SLC19A3: variants seen among roughly 807,000 people sequenced by gnomAD.
SLC19A3 encodes solute carrier family 19 member 3.
Under a neutral mutation model 40.2 loss-of-function variants are expected in SLC19A3, and 31 were observed. That is an observed-to-expected ratio of 0.77 (90% CI 0.58 to 1.04). The LOEUF (loss-of-function observed/expected upper bound fraction) is 1.04, where lower values mean the gene tolerates loss of function less well. Among genes scored for constraint, SLC19A3 ranks in the 50% least tolerant of loss-of-function variants. The pLI is 0.00. For synonymous variants in SLC19A3, 212 were observed against 227.5 expected, an observed-to-expected ratio of 0.93 and a Z score of 0.61; for missense variants, 592 against 596.7, an observed-to-expected ratio of 0.99 and a Z score of 0.08.
intron 1 of SLC19A3, among the ~76,000 whole-genome samples, chr2:227,717,712 G>C (rs1283781263): frequency 6.6e-6 from 1 of 152,112 alleles, no homozygotes; most frequent in Non-Finnish European, 1.5e-5. Context: ...TTTAATCTGC[G>C]CTTCCAGAAG....
rs759052209 is a variant in SLC19A3 at position 227,688,194 on chromosome 2, C to G, written c.1286G>C (p.Arg429Thr). 6.2e-7 allele frequency: 1 copy of G among 1,614,088 alleles called. No homozygotes were observed. The highest frequency in any genetic ancestry group is 1.1e-5 in the South Asian group (1 of 91,074). ...AATGCTGACTGGCAAGTTGAGCCCT[C>G]TCTGATCTACTACAATCACAGTCAT... is the stretch of plus-strand genomic sequence containing the variant. ...TIMTVIVVDQ[R>T]GLNLPVSIQF... Residue 429 changes from arginine (R) to threonine (T), a missense_variant, in exon 5 of 6, where the codon AGA (arginine) becomes ACA (threonine). Arg to Thr is a moderately conservative substitution (Grantham distance 71). Coordinates refer to ENST00000644224, the MANE Select transcript of SLC19A3 (RefSeq NM_025243.4).
At chr2:227,707,111 C>G (rs985683912) in intron 1 of SLC19A3, among the ~76,000 whole-genome samples, 4 of 152,212 alleles carry the variant, frequency 2.6e-5, no homozygotes, top group Non-Finnish European at 5.9e-5. Flanking sequence ...TCCCCTGACC[C>G]TGTTGCAGCA....
rs557089858 is a variant in SLC19A3 at position 227,703,233 on chromosome 2, T to C, written c.-2-913A>G. 1.4e-4 allele frequency among the ~76,000 whole-genome samples: 21 copies of C among 152,326 alleles called. No homozygotes were observed. The highest frequency in any genetic ancestry group is 4.3e-4 in the African/African-American group (18 of 41,576). ...ACATATATAGAGCTTTTAGGGTCAA[T>C]TGCAGTTTGAAAGCAGACGAGAGAG... On this transcript the variant is annotated intron_variant, in intron 1 of 5. Transcript: ENST00000644224. The surrounding 1 kb of genome is among the most constrained non-coding windows in gnomAD (Gnocchi z 4.7).
intron 1 of SLC19A3, among the ~76,000 whole-genome samples, chr2:227,707,744 T>C (rs13013696): frequency 0.58 from 88,331 of 152,002 alleles, 29,185 homozygotes; most frequent in Non-Finnish European, 0.75. Flanking sequence ...TCTATTTTTT[T>C]TGAGACAGAG....
chr2:227,686,207 A>G lies in SLC19A3; in HGVS notation c.*1190T>C, dbSNP rs922131599. 4.7e-6 allele frequency: 2 copies of G among 421,400 alleles called. No individual in the cohort carries two copies. Among genetic ancestry groups the G allele is most frequent in the Admixed American group, 5.2e-5 (2 of 38,340 alleles). 26.1% of individuals were successfully genotyped at this position (421,400 alleles called of 1,614,324 possible). A position where few individuals can be genotyped will look rare whatever the true frequency, so the allele number is the denominator to read the frequency against. On this transcript the variant is annotated 3_prime_UTR_variant, in exon 6 of 6. Coordinates refer to ENST00000644224, the MANE Select transcript of SLC19A3 (RefSeq NM_025243.4). ...GCGAGACTGTCTCAAAAACCAAAAC[A>G]AAACAAAATCAGGTGTTTTATTCCA...
rs72239408 is a variant in SLC19A3, at chr2:227,685,003, A to AAAAG, written c.*2393_*2394insCTTT. The AAAAG allele has an allele frequency of 5.3e-5, 8 of 149,768 alleles. No individual in the cohort carries two copies. Among genetic ancestry groups the AAAAG allele is most frequent in the South Asian group, 2.1e-4 (1 of 4,784 alleles). 9.3% of individuals were successfully genotyped at this position (149,768 alleles called of 1,614,324 possible). On this transcript the variant is annotated 3_prime_UTR_variant, in exon 6 of 6. Coordinates refer to ENST00000644224, the MANE Select transcript of SLC19A3 (RefSeq NM_025243.4). ...ATCAAAAAAAAAAAAAAAAAAAAAAAAAGAAGAAGAAGAAAAAGAATAGCG... is the reference window on the plus strand; with the variant it reads ...ATCAAAAAAAAAAAAAAAAAAAAAAAAAAGAAGAAGAAGAAGAAAAAGAATAGCG...
intron 4 of SLC19A3, among the ~76,000 whole-genome samples, chr2:227,690,706 C>CAAAAAAAAAAAAAAAA (rs34163746): frequency 3.3e-4 from 13 of 39,166 alleles, no homozygotes; most frequent in African/African-American, 1.1e-3. Flanking sequence ...GACTCCATCT[C>CAAAAAAAAAAAAAAAA]AAAAAAAAAA....
intron 1 of SLC19A3, chr2:227,706,494 G>C: frequency 6.6e-6 from 8 of 1,219,422 alleles, no homozygotes; most frequent in Non-Finnish European, 8.2e-6. Flanking sequence ...TAAAAGGCTG[G>C]GTGTAGTGGC....
intron 2 of SLC19A3, among the ~76,000 whole-genome samples, chr2:227,699,895 TG>T (rs1695611567): frequency 6.6e-6 from 1 of 152,142 alleles, no homozygotes; most frequent in Non-Finnish European, 1.5e-5. Flanking sequence ...TCTTTTTTTT[TG>T]AGGTGGAGTC....
chr2:227,713,933 A>G (rs746777586), intron 1 of SLC19A3, among the ~76,000 whole-genome samples: 1 of 152,102 alleles, frequency 6.6e-6, no homozygotes, highest in Non-Finnish European at 1.5e-5. Context: ...AAAACAACCG[A>G]AACTACTTCA....
intron 3 of SLC19A3, among the ~76,000 whole-genome samples, 167 bp downstream of exon 3, chr2:227,698,569 G>T (rs1377238684): frequency 1.3e-5 from 2 of 152,186 alleles, no homozygotes; most frequent in Non-Finnish European, 2.9e-5. Context: ...AAAGTGCTGG[G>T]ATTACAGGCA....
In SLC19A3 at chr2:227,688,156, T is replaced by C. The variant is rs1695090078; in HGVS notation, c.1314+10A>G. ...GTTACCTAGTTGAAAACAGAAGTAT[T>C]GCAGCTTACCTGAATGCTGACTGGC... On this transcript the variant is annotated intron_variant, in intron 5 of 5. Coordinates refer to ENST00000644224, the MANE Select transcript of SLC19A3 (RefSeq NM_025243.4). 6.2e-7 allele frequency: 1 copy of C among 1,613,908 alleles called. No homozygotes were observed.
At chr2:227,693,693 G>A (rs369866802) in intron 4 of SLC19A3, among the ~76,000 whole-genome samples, 1 of 152,048 alleles carries the variant, frequency 6.6e-6, no homozygotes, top group African/African-American at 2.4e-5. Flanking sequence ...AAGATTTCTT[G>A]AGTACCCCAC....
intron 4 of SLC19A3, among the ~76,000 whole-genome samples, chr2:227,692,770 C>A (rs1055967308): frequency 2.0e-5 from 3 of 152,134 alleles, no homozygotes; most frequent in African/African-American, 7.2e-5. Flanking sequence ...ATTATCCTTG[C>A]TTGCAGACGA....
chr2:227,715,252 C>G (rs4973231), intron 1 of SLC19A3, among the ~76,000 whole-genome samples: 1,836 of 111,130 alleles, frequency 0.017, 42 homozygotes, highest in African/African-American at 0.047. Flanking sequence ...AACCCCACAC[C>G]CCCCCCAAAA....
chr2:227,700,396 T>C (rs1382051730), intron 2 of SLC19A3, among the ~76,000 whole-genome samples: 1 of 150,906 alleles, frequency 6.6e-6, no homozygotes, highest in African/African-American at 2.4e-5. Context: ...AAATTAGCCA[T>C]GAATGGTGGC....
chr2:227,700,984 G>C (rs1456796767), intron 2 of SLC19A3: 30 of 1,304,176 alleles, frequency 2.3e-5, no homozygotes, highest in Non-Finnish European at 2.9e-5. Context: ...CAACTGAGCT[G>C]CTCCTTGGAG....
chr2:227,716,494 C>A (rs188506472), intron 1 of SLC19A3, among the ~76,000 whole-genome samples: 1 of 152,128 alleles, frequency 6.6e-6, no homozygotes, highest in Admixed American at 6.6e-5. Context: ...TCCAGACCCA[C>A]CAAAAGGAAC....
At chr2:227,690,832 TAAAA>T (rs1695199523) in intron 4 of SLC19A3, among the ~76,000 whole-genome samples, 1 of 151,768 alleles carries the variant, frequency 6.6e-6, no homozygotes, top group Non-Finnish European at 1.5e-5. Context: ...TTGGAGACTT[TAAAA>T]CCCCACTTTC....
Sources: gnomAD v4.1 joint callset for allele counts (sites outside exome capture counted in the v4.1 genomes callset) on GRCh38, gnomAD v4.1.1 for gene constraint, Gnocchi (gnomAD v3.1) non-coding constraint, MANE v1.5 for transcripts, NCBI Gene and HGNC (gene_info 2026-07-23, HGNC 2026-07-21) for gene names.